ZNF536: variants seen among roughly 807,000 people sequenced by gnomAD.
The protein encoded by ZNF536 is zinc finger protein 536.
Under a neutral mutation model 84.5 loss-of-function variants are expected in ZNF536, and 13 were observed. The observed-to-expected ratio is 0.15, with a 90% CI of 0.10 to 0.24. The LOEUF is 0.24. ZNF536 is among the 10% of genes least tolerant of loss of function. The pLI is 1.00. For synonymous variants in ZNF536, 811 were observed against 742.5 expected (o/e 1.09, Z -1.50); for missense variants, 1,536 against 1,747.5 (o/e 0.88, Z 2.16).
intron 1 of ZNF536, among the ~76,000 whole-genome samples, chr19:30,658,474 C>G (rs1176683154): frequency 6.6e-6 from 1 of 152,154 alleles, no homozygotes; most frequent in Non-Finnish European, 1.5e-5. Flanking sequence ...CAGCTCTTTG[C>G]TGACACCTCA....
chr19:30,360,598 T>A (rs2048242820), intron 3 of ZNF536, among the ~76,000 whole-genome samples: 1 of 152,084 alleles, frequency 6.6e-6, no homozygotes, highest in African/African-American at 2.4e-5. Context: ...TTTGGTCAGA[T>A]GACATTTCTG....
intron 1 of ZNF536, among the ~76,000 whole-genome samples, chr19:30,581,245 G>A (rs968463616): frequency 4.6e-5 from 7 of 152,190 alleles, no homozygotes; most frequent in Non-Finnish European, 7.3e-5. Context: ...TGAGAGGCAA[G>A]GCGGGAGAAT....
intron 1 of ZNF536, among the ~76,000 whole-genome samples, chr19:30,630,565 C>T (rs982753152): frequency 2.0e-5 from 3 of 152,210 alleles, no homozygotes; most frequent in African/African-American, 7.2e-5. Flanking sequence ...TCCGTTTCAG[C>T]CCTGGCCCGC....
intron 2 of ZNF536, among the ~76,000 whole-genome samples, chr19:30,317,113 A>C (rs1248139893): frequency 6.6e-6 from 1 of 152,204 alleles, no homozygotes; most frequent in Non-Finnish European, 1.5e-5. Context: ...TAAAATTGAA[A>C]ATGTAGGTTA....
chr19:30,346,737 G>A (rs975308614), intron 2 of ZNF536, among the ~76,000 whole-genome samples: 1 of 152,110 alleles, frequency 6.6e-6, no homozygotes, highest in African/African-American at 2.4e-5. Context: ...TCTTTATCCA[G>A]TGTACCATTG....
At chr19:30,302,505 G>C (rs2046217759) in intron 2 of ZNF536, among the ~76,000 whole-genome samples, 2 of 152,306 alleles carry the variant, frequency 1.3e-5, no homozygotes, top group South Asian at 4.1e-4. Context: ...CTCAGACAGG[G>C]GAAGTCAGGT....
At chr19:30,256,759 G>A (rs934579304) in intron 1 of ZNF536, among the ~76,000 whole-genome samples, 4 of 152,278 alleles carry the variant, frequency 2.6e-5, no homozygotes, top group East Asian at 1.9e-4. Context: ...GGTTCTTAAC[G>A]TTTGGGGCTG....
intron 2 of ZNF536, among the ~76,000 whole-genome samples, chr19:30,475,553 C>A (rs1243528225): frequency 6.6e-6 from 1 of 152,140 alleles, no homozygotes; most frequent in Non-Finnish European, 1.5e-5. Flanking sequence ...TAAGTTATTC[C>A]CTCCCCTTTC....
At chr19:30,436,944 C>T (rs1289382397) in intron 1 of ZNF536, among the ~76,000 whole-genome samples, 3 of 152,060 alleles carry the variant, frequency 2.0e-5, no homozygotes, top group Non-Finnish European at 4.4e-5. Flanking sequence ...ACAAGGCTTC[C>T]GAGGTAGCAG....
chr19:30,622,833 G>A (rs1466095478), intron 1 of ZNF536, among the ~76,000 whole-genome samples: 1 of 152,040 alleles, frequency 6.6e-6, no homozygotes, highest in African/African-American at 2.4e-5. Context: ...CTCACCGGCT[G>A]CCTGCGATGT....
At chr19:30,314,492 C>A (rs2046614218) in intron 2 of ZNF536, among the ~76,000 whole-genome samples, 1 of 152,166 alleles carries the variant, frequency 6.6e-6, no homozygotes, top group South Asian at 2.1e-4. Flanking sequence ...TGTCCTCCAC[C>A]CTTGTGGCTG....
At chr19:30,496,157 C>T (rs1278320560) in intron 2 of ZNF536, among the ~76,000 whole-genome samples, 2 of 152,128 alleles carry the variant, frequency 1.3e-5, no homozygotes, top group African/African-American at 4.8e-5. Flanking sequence ...TTTTCCACTG[C>T]TCCTGGCTCT....
At chr19:30,494,807 G>T (rs1018499165) in intron 2 of ZNF536, among the ~76,000 whole-genome samples, 1 of 152,000 alleles carries the variant, frequency 6.6e-6, no homozygotes, top group Non-Finnish European at 1.5e-5. Context: ...TCAGCCGGGG[G>T]TGGTGGCGTG....
intron 1 of ZNF536, among the ~76,000 whole-genome samples, chr19:30,635,432 C>T (rs1459841532): frequency 6.6e-6 from 1 of 152,200 alleles, no homozygotes; most frequent in Non-Finnish European, 1.5e-5. Flanking sequence ...CAGAACTGGG[C>T]ACTGGTACAA....
chr19:30,497,645 G>T (rs543964884), intron 2 of ZNF536, among the ~76,000 whole-genome samples: 1 of 152,282 alleles, frequency 6.6e-6, no homozygotes, highest in East Asian at 1.9e-4. Flanking sequence ...GCAAGGGGGT[G>T]CCCCAGGGAA....
At chr19:30,620,844 C>T (rs975838247) in intron 1 of ZNF536, among the ~76,000 whole-genome samples, 1 of 151,480 alleles carries the variant, frequency 6.6e-6, no homozygotes, top group Non-Finnish European at 1.5e-5. Flanking sequence ...TTTGAATCCT[C>T]ATAATAATGT....
chr19:30,401,873 G>T (rs987971616), intron 1 of ZNF536, among the ~76,000 whole-genome samples: 4 of 152,124 alleles, frequency 2.6e-5, no homozygotes, highest in African/African-American at 9.7e-5. Context: ...TTTCATTTTT[G>T]TGACAACTTA....
chr19:30,357,189 G>C (rs761343222), intron 3 of ZNF536, among the ~76,000 whole-genome samples: 1 of 152,254 alleles, frequency 6.6e-6, no homozygotes, highest in Non-Finnish European at 1.5e-5. Flanking sequence ...ACTTGAGAGA[G>C]GGTAGGTGGT....
chr19:30,584,418 T>C (rs1183337997), intron 1 of ZNF536, among the ~76,000 whole-genome samples: 1 of 152,220 alleles, frequency 6.6e-6, no homozygotes, highest in Non-Finnish European at 1.5e-5. Context: ...TAGTGGAAAG[T>C]GTGGCTCCCC....
Sources: gnomAD v4.1 joint callset for allele counts (sites outside exome capture counted in the v4.1 genomes callset) on GRCh38, gnomAD v4.1.1 for gene constraint, MANE v1.5 for transcripts, NCBI Gene and HGNC (gene_info 2026-07-23, HGNC 2026-07-21) for gene names.